ASCC1: variants seen among roughly 807,000 people sequenced by gnomAD.
The protein encoded by ASCC1 is activating signal cointegrator 1 complex subunit 1.
Under a neutral mutation model 46.6 loss-of-function variants are expected in ASCC1, and 35 were observed. That is an observed-to-expected ratio of 0.75 (90% CI 0.57 to 0.99). The LOEUF (loss-of-function observed/expected upper bound fraction) is 0.99. Ranked by LOEUF, ASCC1 falls within the 50% of genes least tolerant of loss-of-function variation. ASCC1 has a pLI of 0.00. For missense variants in ASCC1, 376 were observed against 428.7 expected (o/e 0.88, Z 1.09); for synonymous variants, 143 against 146.6 (o/e 0.98, Z 0.18).
chr10:72,209,165 TA>T lies in ASCC1; in HGVS notation c.212+1566del, dbSNP rs35847135. 1.0e-2 allele frequency among the ~76,000 whole-genome samples: 1,390 copies of T among 139,296 alleles called. 10 individuals are homozygous for T. The highest frequency in any genetic ancestry group is 0.012 in the Non-Finnish European group (771 of 63,656). 91.4% of individuals were successfully genotyped at this position (139,296 alleles called of 152,430 possible). On this transcript the variant is annotated intron_variant, in intron 3 of 9. Coordinates refer to ENST00000672957, the MANE Select transcript of ASCC1 (RefSeq NM_001198800.3). ...GGGTAACAAAGCAAAGCCCTGTCTT[TA>T]AAAAAAAAAAAAAGAGATATTTAAA...
At position 72,206,972 on chromosome 10, in the gene ASCC1, T is replaced by G. The variant is rs144714351; in HGVS notation, c.213-3448A>C. Among the ~76,000 whole-genome samples, 1,040 of 152,294 alleles carry G rather than the reference T, an allele frequency of 6.8e-3. 10 individuals are homozygous for G. Among genetic ancestry groups the G allele is most frequent in the African/African-American group, 0.024 (981 of 41,554 alleles). On this transcript the variant is annotated intron_variant, in intron 3 of 9. Coordinates refer to ENST00000672957, the MANE Select transcript of ASCC1 (RefSeq NM_001198800.3). ...GTCTCATTTGCTGGCTCTGGGTCTCTTCCCCAGCCTCTCTAACATGGTGCC... is the reference window on the plus strand; with the variant it reads ...GTCTCATTTGCTGGCTCTGGGTCTCGTCCCCAGCCTCTCTAACATGGTGCC...
chr10:72,136,509 A>G (rs2132341747), intron 7 of ASCC1, among the ~76,000 whole-genome samples: 1 of 152,328 alleles, frequency 6.6e-6, no homozygotes, highest in Non-Finnish European at 1.5e-5. Context: ...GTCTAGCTTA[A>G]AGATTATAAA....
At chr10:72,159,057 A>G (rs1313293045) in intron 6 of ASCC1, 1 of 152,170 alleles carries the variant, frequency 6.6e-6, no homozygotes, top group Admixed American at 6.5e-5. Context: ...AAATCAGGAG[A>G]AGAAGGTTGG....
At chr10:72,200,571 C>T (rs1273595578) in intron 4 of ASCC1, among the ~76,000 whole-genome samples, 1 of 151,682 alleles carries the variant, frequency 6.6e-6, no homozygotes, top group East Asian at 1.9e-4. Context: ...TCACTTGAAA[C>T]CAGGAGGTGG....
At chr10:72,187,936 GAGTGAGAGTC>G (rs1853744215) in intron 5 of ASCC1, among the ~76,000 whole-genome samples, 1 of 151,294 alleles carries the variant, frequency 6.6e-6, no homozygotes, top group Non-Finnish European at 1.5e-5. Context: ...CTGGGTGACA[GAGTGAGAGTC>G]TGTCTCAAAA....
intron 8 of ASCC1, among the ~76,000 whole-genome samples, chr10:72,130,808 T>C (rs1181161771): frequency 6.6e-6 from 1 of 152,230 alleles, no homozygotes; most frequent in East Asian, 1.9e-4. Context: ...CCCATGTGTC[T>C]AGTGGCTACC....
intron 7 of ASCC1, among the ~76,000 whole-genome samples, chr10:72,141,579 C>T (rs1045111980): frequency 6.6e-6 from 1 of 152,112 alleles, no homozygotes; most frequent in African/African-American, 2.4e-5. Flanking sequence ...AATATGCTCT[C>T]TAGAAAGCTT....
chr10:72,128,235 G>A (rs1216017136), intron 8 of ASCC1, 68 bp from the exon 9 acceptor site: 3 of 1,398,428 alleles, frequency 2.1e-6, no homozygotes, highest in Non-Finnish European at 3.0e-6. Flanking sequence ...GATTTCTATA[G>A]GTACATAGGT....
At position 72,187,400 on chromosome 10, in the gene ASCC1, G is replaced by A. The variant is rs181823232; in HGVS notation, c.489+9411C>T. Among the ~76,000 whole-genome samples the A allele has an allele frequency of 9.2e-4, 139 of 151,274 alleles. 1 individual carries two copies. The highest frequency in any genetic ancestry group is 3.1e-3 in the African/African-American group (127 of 41,208). On this transcript the variant is annotated intron_variant, in intron 5 of 9. Transcript: ENST00000672957. ...GGGTGGATCACAAGGTCAGGAGATCGAGACCATGACGGCTAACACAGTGAA... is the reference window on the plus strand; with the variant it reads ...GGGTGGATCACAAGGTCAGGAGATCAAGACCATGACGGCTAACACAGTGAA...
At chr10:72,105,347 G>A (rs1263734775) in intron 9 of ASCC1, among the ~76,000 whole-genome samples, 2 of 152,162 alleles carry the variant, frequency 1.3e-5, no homozygotes, top group African/African-American at 4.8e-5. Flanking sequence ...GGCCCACACA[G>A]AGCCTGCTTC....
At chr10:72,216,097 C>G (rs1430794525) in intron 1 of ASCC1, 110 bp downstream of exon 1, 1 of 152,414 alleles carries the variant, frequency 6.6e-6, no homozygotes, top group Non-Finnish European at 1.5e-5. Context: ...TCAGGCTGGT[C>G]CTGGGGGTGG....
At chr10:72,216,359 AGTTTCCT>A (rs1194366079), upstream of ASCC1, 1 of 169,070 alleles carries the variant, frequency 5.9e-6, no homozygotes, top group Non-Finnish European at 1.3e-5. Context: ...CCGATGGCGT[AGTTTCCT>A]GGGGACCCAG....
intron 7 of ASCC1, among the ~76,000 whole-genome samples, chr10:72,141,054 T>C (rs1211386723): frequency 1.3e-5 from 2 of 150,012 alleles, no homozygotes; most frequent in African/African-American, 4.9e-5. Context: ...GATAGATAGA[T>C]AGATAGATAG....
intron 7 of ASCC1, among the ~76,000 whole-genome samples, chr10:72,141,039 A>AGATAGAT (rs2132410781): frequency 1.3e-5 from 1 of 77,142 alleles, no homozygotes; most frequent in African/African-American, 4.8e-5. Context: ...AATTGTTTAT[A>AGATAGAT]GATAGATAGA....
chr10:72,157,518 A>G (rs913764536), intron 6 of ASCC1, among the ~76,000 whole-genome samples: 13 of 152,242 alleles, frequency 8.5e-5, no homozygotes, highest in African/African-American at 2.9e-4. Context: ...AGAAAGACCC[A>G]TATGAACAAT....
chr10:72,192,467 A>G (rs536880212), intron 5 of ASCC1, among the ~76,000 whole-genome samples: 1 of 151,834 alleles, frequency 6.6e-6, no homozygotes, highest in Non-Finnish European at 1.5e-5. Context: ...AAAAAAAAAA[A>G]AAGAAAGAAA....
At chr10:72,166,450 T>C (rs1850349256) in intron 5 of ASCC1, among the ~76,000 whole-genome samples, 1 of 151,252 alleles carries the variant, frequency 6.6e-6, no homozygotes, top group Non-Finnish European at 1.5e-5. Context: ...CTGGCAAACA[T>C]GTTTCTTTTT....
intron 5 of ASCC1, chr10:72,190,047 T>TCC (rs1274002147): frequency 2.6e-5 from 20 of 758,460 alleles, no homozygotes; most frequent in Non-Finnish European, 4.6e-5. Context: ...CTCTCTGCCC[T>TCC]CCACAGTGCT....
intron 1 of ASCC1, among the ~76,000 whole-genome samples, chr10:72,215,205 C>A (rs988610987): frequency 1.3e-5 from 2 of 152,132 alleles, no homozygotes; most frequent in African/African-American, 4.8e-5. Context: ...TCGAGACCAG[C>A]CAGGCCAACA....
Sources: allele counts gnomAD v4.1 joint callset (sites outside exome capture counted in the v4.1 genomes callset), GRCh38; gene constraint gnomAD v4.1.1; transcripts MANE v1.5; gene names NCBI Gene and HGNC (gene_info 2026-07-23, HGNC 2026-07-21).